Variants in SPAG16 observed in about 807,000 individuals in gnomAD.
SPAG16 encodes the protein sperm-associated antigen 16 protein.
A neutral mutation model predicts 80.4 loss-of-function variants in SPAG16; 86 were observed. The observed-to-expected ratio is 1.07, with a 90% CI of 0.90 to 1.28. The LOEUF is 1.28. SPAG16 is among the 50% of genes most tolerant of loss of function. The pLI is 0.00. For synonymous variants in SPAG16, 294 were observed against 265.9 expected (o/e 1.11, Z -1.03); for missense variants, 870 against 765.3 (o/e 1.14, Z -1.61).
Position 213,340,227 on chromosome 2 carries a change from C to A in SPAG16, c.601C>A (p.Arg201=), listed in dbSNP as rs199570173. ...ERDFHRMHHK[R]IVQEKNKLIN... The stretch of plus-strand genomic sequence containing the variant: ...TGATTTTCATCGAATGCATCATAAG[C>A]GAATAGTCCAGGAAAAAAACAAATT... The change falls in exon 6 of 16, where the codon CGA becomes AGA. Residue 201 remains arginine (R), a synonymous_variant. Coordinates refer to ENST00000331683, the MANE Select transcript of SPAG16 (RefSeq NM_024532.5). 2 of 1,611,170 alleles carry A rather than the reference C, an allele frequency of 1.2e-6. No homozygotes were observed. The highest frequency in any genetic ancestry group is 1.3e-5 in the African/African-American group (1 of 74,686).
At chr2:214,346,945 G>A (rs574334158) in intron 15 of SPAG16, among the ~76,000 whole-genome samples, 1 of 152,192 alleles carries the variant, frequency 6.6e-6, no homozygotes, top group East Asian at 1.9e-4. Context: ...ATCATAAAAT[G>A]GTTATTTTAA....
At chr2:213,738,668 GTTA>G (rs1039217526) in intron 10 of SPAG16, among the ~76,000 whole-genome samples, 12 of 152,080 alleles carry the variant, frequency 7.9e-5, no homozygotes, top group Non-Finnish European at 1.3e-4. Context: ...TATTGTTTTT[GTTA>G]TTATTGTCAG....
intron 12 of SPAG16, among the ~76,000 whole-genome samples, chr2:213,941,786 T>G (rs2079207966): frequency 2.0e-5 from 3 of 152,144 alleles, no homozygotes; most frequent in Admixed American, 6.6e-5. Flanking sequence ...ACTCTCATCA[T>G]ATTTTGAATA....
chr2:213,458,487 G>A (rs988152130), intron 9 of SPAG16, among the ~76,000 whole-genome samples: 13 of 152,198 alleles, frequency 8.5e-5, no homozygotes, highest in Admixed American at 1.3e-4. Flanking sequence ...CAGGAGAATC[G>A]CTTGAATCCA....
At chr2:214,321,847 C>T (rs73084990) in intron 15 of SPAG16, among the ~76,000 whole-genome samples, 2,956 of 152,146 alleles carry the variant, frequency 0.019, 96 homozygotes, top group African/African-American at 0.067. Context: ...AGGTATATTG[C>T]CCAAATAACT....
chr2:214,389,404 A>G (rs1022730188), intron 15 of SPAG16, among the ~76,000 whole-genome samples: 4 of 152,214 alleles, frequency 2.6e-5, no homozygotes, highest in Non-Finnish European at 4.4e-5. Context: ...TTTCATAGCA[A>G]TACAGGGCTA....
At chr2:213,585,433 T>C (rs113079872) in intron 10 of SPAG16, among the ~76,000 whole-genome samples, 3 of 151,888 alleles carry the variant, frequency 2.0e-5, no homozygotes, top group East Asian at 2.0e-4. Context: ...CGTGCCACCA[T>C]GCCTGGCTAA....
At chr2:214,098,471 CAGAT>C (rs1258592163) in intron 13 of SPAG16, among the ~76,000 whole-genome samples, 2 of 151,964 alleles carry the variant, frequency 1.3e-5, no homozygotes, top group Non-Finnish European at 2.9e-5. Flanking sequence ...GATTAGGACA[CAGAT>C]AGACACAGAT....
intron 15 of SPAG16, among the ~76,000 whole-genome samples, chr2:214,243,290 C>T (rs1689619330): frequency 6.6e-6 from 1 of 152,028 alleles, no homozygotes; most frequent in South Asian, 2.1e-4. Flanking sequence ...TCAGTGGTCC[C>T]TTAAGATGAA....
intron 10 of SPAG16, among the ~76,000 whole-genome samples, chr2:213,696,141 C>G (rs1377309455): frequency 6.6e-6 from 1 of 152,070 alleles, no homozygotes; most frequent in African/African-American, 2.4e-5. Flanking sequence ...AAGAAAGGAA[C>G]AAGAATAACT....
intron 13 of SPAG16, among the ~76,000 whole-genome samples, chr2:214,055,910 A>G (rs949875270): frequency 1.3e-4 from 20 of 150,988 alleles, no homozygotes; most frequent in Admixed American, 8.6e-4. Flanking sequence ...AATAGAGAAA[A>G]AATCAATAAA....
At chr2:213,861,537 C>T (rs1343744158) in intron 10 of SPAG16, among the ~76,000 whole-genome samples, 1 of 152,104 alleles carries the variant, frequency 6.6e-6, no homozygotes, top group Admixed American at 6.6e-5. Flanking sequence ...GTATTATTGT[C>T]TTTGAATTTA....
intron 15 of SPAG16, among the ~76,000 whole-genome samples, chr2:214,320,808 A>G (rs1034798805): frequency 2.6e-5 from 4 of 152,258 alleles, no homozygotes; most frequent in Non-Finnish European, 5.9e-5. Flanking sequence ...ATGACAATTC[A>G]AGATGAGATT....
chr2:213,597,766 G>GC (rs900016649), intron 10 of SPAG16, among the ~76,000 whole-genome samples: 15 of 151,834 alleles, frequency 9.9e-5, no homozygotes, highest in East Asian at 1.9e-4. Flanking sequence ...TAAATCTTTT[G>GC]CCCCCCCAAA....
chr2:213,461,617 TA>T (rs2072368922), intron 9 of SPAG16, among the ~76,000 whole-genome samples: 1 of 152,144 alleles, frequency 6.6e-6, no homozygotes, highest in Non-Finnish European at 1.5e-5. Context: ...TGAGAAAGCT[TA>T]AAATAATTAG....
intron 9 of SPAG16, among the ~76,000 whole-genome samples, chr2:213,376,576 A>G (rs1206723109): frequency 6.6e-6 from 1 of 152,020 alleles, no homozygotes; most frequent in Non-Finnish European, 1.5e-5. Flanking sequence ...TTATTATTAT[A>G]ACAAATGACT....
chr2:213,824,791 T>C (rs2073168925), intron 10 of SPAG16, among the ~76,000 whole-genome samples: 1 of 152,142 alleles, frequency 6.6e-6, no homozygotes, highest in Non-Finnish European at 1.5e-5. Context: ...GGTATTTTGA[T>C]AGGGATTGTA....
At chr2:213,629,693 G>A (rs554976599) in intron 10 of SPAG16, among the ~76,000 whole-genome samples, 2 of 152,190 alleles carry the variant, frequency 1.3e-5, no homozygotes, top group African/African-American at 4.8e-5. Flanking sequence ...ATGCTTCAGG[G>A]TGCTGATATG....
intron 14 of SPAG16, among the ~76,000 whole-genome samples, chr2:214,145,782 T>A (rs62197905): frequency 0.18 from 27,307 of 152,178 alleles, 2,603 homozygotes; most frequent in South Asian, 0.25. Flanking sequence ...AATATTTCTA[T>A]ATTTTTGAAA....
Sources: allele counts gnomAD v4.1 joint callset (sites outside exome capture counted in the v4.1 genomes callset), GRCh38; gene constraint gnomAD v4.1.1; transcripts MANE v1.5; gene names NCBI Gene and HGNC (gene_info 2026-07-23, HGNC 2026-07-21).